Variants in VANGL1 observed in about 807,000 individuals in gnomAD.
VANGL1 encodes the protein vang-like protein 1.
In VANGL1, 18 loss-of-function variants were observed where a neutral mutation model predicts 48.4. The ratio of observed to expected loss-of-function variants is 0.37; its 90% CI spans 0.26 to 0.55. The LOEUF (loss-of-function observed/expected upper bound fraction) is 0.55. VANGL1 is among the 20% of genes least tolerant of loss of function. VANGL1 has a pLI of 0.81. For synonymous variants in VANGL1, 257 were observed against 261.8 expected, an observed-to-expected ratio of 0.98 and a Z score of 0.18; for missense variants, 667 against 675.8, an observed-to-expected ratio of 0.99 and a Z score of 0.14.
At chr1:115,679,431 G>A (rs1012801418) in intron 4 of VANGL1, among the ~76,000 whole-genome samples, 1 of 152,354 alleles carries the variant, frequency 6.6e-6, no homozygotes, top group South Asian at 2.1e-4. Context: ...TTGCTCTGAG[G>A]GGCTGTCAGG....
At chr1:115,676,153 A>G in intron 4 of VANGL1, among the ~76,000 whole-genome samples, 1 of 152,180 alleles carries the variant, frequency 6.6e-6, no homozygotes, top group East Asian at 1.9e-4. Flanking sequence ...TCTCTTTATC[A>G]AAAGCCAAGA....
At chr1:115,686,812 T>C (rs1272703123) in intron 7 of VANGL1, among the ~76,000 whole-genome samples, 4 of 152,240 alleles carry the variant, frequency 2.6e-5, no homozygotes, top group African/African-American at 7.2e-5. Context: ...GGTACTGTTT[T>C]AAGCACATCA....
At chr1:115,670,958 G>A (rs1652952128) in intron 4 of VANGL1, 1 of 152,562 alleles carries the variant, frequency 6.6e-6, no homozygotes. Flanking sequence ...GCTGCCGTTT[G>A]TGGTTTGGTG....
At chr1:115,651,163 G>T (rs993685025) in intron 1 of VANGL1, 114 bp from the exon 2 acceptor site, 2 of 503,808 alleles carry the variant, frequency 4.0e-6, no homozygotes, top group Non-Finnish European at 7.2e-6. Context: ...ACCCTCACTC[G>T]CTTGTTCCAT....
At chr1:115,674,130 C>T (rs1260819438) in intron 4 of VANGL1, among the ~76,000 whole-genome samples, 1 of 152,192 alleles carries the variant, frequency 6.6e-6, no homozygotes, top group Non-Finnish European at 1.5e-5. Context: ...CCTGTTTCTG[C>T]TCACACTGCT....
Position 115,661,927 on chromosome 1 carries a change from T to G in VANGL1, c.205-1734T>G, listed in dbSNP as rs1652573577. On this transcript the variant is annotated intron_variant, in intron 3 of 7. Transcript: ENST00000355485. Reference sequence around the variant, plus strand: ...GCCACCGTGCCTGGCTGGATGTATATTTTTATTAATTTTTGGATAAAACCT... The same window carrying G: ...GCCACCGTGCCTGGCTGGATGTATAGTTTTATTAATTTTTGGATAAAACCT... Among the ~76,000 whole-genome samples, 3 of 152,190 alleles carry G rather than the reference T, an allele frequency of 2.0e-5. No individual in the cohort carries two copies. In the South Asian group the frequency reaches 6.2e-4, roughly 32 times the overall value.
At chr1:115,656,995 A>AGAG (rs1652377550) in intron 2 of VANGL1, among the ~76,000 whole-genome samples, 1 of 152,200 alleles carries the variant, frequency 6.6e-6, no homozygotes. Flanking sequence ...TTAAGATAGA[A>AGAG]GAGGGGCATT....
At chr1:115,682,234 C>A in intron 4 of VANGL1, 130 bp from the exon 5 acceptor site, 1 of 1,303,494 alleles carries the variant, frequency 7.7e-7, no homozygotes, top group African/African-American at 1.5e-5. Flanking sequence ...GTGGTGGAAC[C>A]CAGTGGACTT....
At chr1:115,648,330 G>A (rs574660465) in intron 1 of VANGL1, among the ~76,000 whole-genome samples, 1 of 152,288 alleles carries the variant, frequency 6.6e-6, no homozygotes, top group East Asian at 1.9e-4. Context: ...GGAGTGTTGT[G>A]GATGGAGATT....
At chr1:115,675,844 C>G (rs574153034) in intron 4 of VANGL1, among the ~76,000 whole-genome samples, 1 of 152,160 alleles carries the variant, frequency 6.6e-6, no homozygotes, top group South Asian at 2.1e-4. Context: ...GGAGATTGGA[C>G]TGATGGACTC....
chr1:115,674,503 A>G (rs1213533497), intron 4 of VANGL1, among the ~76,000 whole-genome samples: 1 of 152,248 alleles, frequency 6.6e-6, no homozygotes, highest in Non-Finnish European at 1.5e-5. Flanking sequence ...TAGTGACTGC[A>G]TGCTCTAAAA....
In VANGL1 at chr1:115,680,106, T is replaced by C. The variant is rs145787445; in HGVS notation, c.813-2258T>C. On this transcript the variant is annotated intron_variant, in intron 4 of 7. Coordinates refer to ENST00000355485, the MANE Select transcript of VANGL1 (RefSeq NM_138959.3). ...GTAGGAATAAAGAAACACTTGCCCC[T>C]CTCTGGAGAATGCCATGGACAGGGG... Among the ~76,000 whole-genome samples the C allele has an allele frequency of 5.7e-4, 86 of 152,002 alleles. No homozygotes were observed. The East Asian group carries it at 0.016, about 28-fold the overall frequency.
intron 6 of VANGL1, among the ~76,000 whole-genome samples, chr1:115,684,946 A>AG (rs1046731611): frequency 5.3e-5 from 8 of 152,242 alleles, no homozygotes; most frequent in Middle Eastern, 3.4e-3. Flanking sequence ...AGCCAGTCGG[A>AG]GGGGCCTCAG....
At chr1:115,683,723 C>G (rs1419297808) in intron 5 of VANGL1, among the ~76,000 whole-genome samples, 2 of 152,156 alleles carry the variant, frequency 1.3e-5, no homozygotes, top group Non-Finnish European at 2.9e-5. Context: ...TTCCACTGAC[C>G]AGATTGGGGT....
At chr1:115,674,973 C>T (rs565309356) in intron 4 of VANGL1, among the ~76,000 whole-genome samples, 1 of 152,072 alleles carries the variant, frequency 6.6e-6, no homozygotes, top group South Asian at 2.1e-4. Flanking sequence ...TGTATGCACA[C>T]ATTTTTTTAG....
chr1:115,683,998 G>A lies in VANGL1; in HGVS notation c.1001G>A (p.Arg334Gln), dbSNP rs368071458. Residue 334 changes from arginine to glutamine, a missense_variant, in exon 6 of 8, where the codon CGG becomes CAG. Arg to Gln is a conservative substitution (Grantham distance 43, BLOSUM62 1). Coordinates refer to ENST00000355485, the MANE Select transcript of VANGL1 (RefSeq NM_138959.3). ...CGGGCCATGATTGCTGCAGCTGCTC[G>A]GCGCAGGGACTCAAGCCACAACGAG... The part of the protein sequence containing the change: ...QSRAMIAAAA[R>Q]RRDSSHNELY... The A allele has an allele frequency of 2.5e-5, 40 of 1,613,986 alleles. No homozygotes were observed. Among genetic ancestry groups the A allele is most frequent in the Non-Finnish European group, 3.0e-5 (35 of 1,180,010 alleles).
Position 115,683,994 on chromosome 1 carries a change from G to A in VANGL1, c.997G>A (p.Ala333Thr), listed in dbSNP as rs757588832. The change falls in exon 6 of 8, where the codon GCT (alanine) becomes ACT (threonine). Residue 333 changes from alanine to threonine, a missense_variant. Transcript: ENST00000355485. Reference protein sequence around the residue: ...GQSRAMIAAAARRRDSSHNEL... With the variant: ...GQSRAMIAAATRRRDSSHNEL... ...GTCCCGGGCCATGATTGCTGCAGCT[G>A]CTCGGCGCAGGGACTCAAGCCACAA... 3 of 1,614,026 alleles carry A rather than the reference G, an allele frequency of 1.9e-6. No individual in the cohort carries two copies. The African/African-American group carries it at 4.0e-5, about 22-fold the overall frequency.
In VANGL1 at chr1:115,685,482, C is replaced by G; in HGVS notation, c.1269C>G (p.Ile423Met). ...AGAACTACCACAGCATGGAGAGCATCCTGCAGCACCTGGCCTTCTGCATCA... is the reference window on the plus strand; with the variant it reads ...AGAACTACCACAGCATGGAGAGCATGCTGCAGCACCTGGCCTTCTGCATCA... ...RQQNYHSMES[I>M]LQHLAFCITN... Residue 423 changes from isoleucine to methionine, a missense_variant, in exon 7 of 8, where the codon ATC becomes ATG. Physicochemically the swap from Ile to Met is conservative, Grantham distance 10. Transcript: ENST00000355485. 6.2e-7 allele frequency: 1 copy of G among 1,614,136 alleles called. No homozygotes were observed. Among genetic ancestry groups the G allele is most frequent in the South Asian group, 1.1e-5 (1 of 91,082 alleles).
At position 115,693,019 on chromosome 1, in the gene VANGL1, C is replaced by T. The variant is rs1557779562; in HGVS notation, c.*1640C>T. ...GTAAAAATCAAAATTGGCTTTGGATCTTTGTAATACACCTGTACCTGAAAA... is the reference window on the plus strand; with the variant it reads ...GTAAAAATCAAAATTGGCTTTGGATTTTTGTAATACACCTGTACCTGAAAA... On this transcript the variant is annotated 3_prime_UTR_variant, in exon 8 of 8. Transcript: ENST00000355485. 1 of 152,192 alleles carries T rather than the reference C, an allele frequency of 6.6e-6. No individual in the cohort carries two copies. The highest frequency in any genetic ancestry group is 1.5e-5 in the Non-Finnish European group (1 of 68,032). The allele number at this position is 152,192 out of a possible 1,614,324, so 9.4% of individuals were successfully genotyped here.
Sources: allele counts gnomAD v4.1 joint callset (sites outside exome capture counted in the v4.1 genomes callset), GRCh38; gene constraint gnomAD v4.1.1; transcripts MANE v1.5; gene names NCBI Gene and HGNC (gene_info 2026-07-23, HGNC 2026-07-21).